XIRP2: variants seen among roughly 807,000 people sequenced by gnomAD.
XIRP2 encodes the protein xin actin binding repeat containing 2.
XIRP2 carries 236 observed loss-of-function variants against 277.0 expected under a neutral mutation model. That is an observed-to-expected ratio of 0.85 (90% confidence interval 0.77 to 0.95). XIRP2 has a LOEUF of 0.95. XIRP2 is among the 40% of genes least tolerant of loss of function. XIRP2 has a pLI of 0.00. For synonymous variants in XIRP2, 1,490 were observed against 1,416.5 expected (o/e 1.05, Z -1.17); for missense variants, 4,640 against 4,157.5 (o/e 1.12, Z -3.19).
intron 2 of XIRP2, among the ~76,000 whole-genome samples, chr2:167,097,904 T>A (rs759564412): frequency 3.3e-5 from 5 of 152,222 alleles, no homozygotes; most frequent in Non-Finnish European, 5.9e-5. Flanking sequence ...GTAGCATTTC[T>A]GCAGAGAGAT....
intron 2 of XIRP2, among the ~76,000 whole-genome samples, chr2:167,130,405 CA>C: frequency 6.6e-6 from 1 of 152,190 alleles, no homozygotes; most frequent in Admixed American, 6.5e-5. Flanking sequence ...CCTGGGACAC[CA>C]TCATGGCCTC....
rs532703043 is a variant in XIRP2 at position 166,893,007 on chromosome 2, C to A, written c.-19+4450C>A. ...ACACACACACACACACACACACACA[C>A]AACACCACCAGAGGGAAAAGAGAGG... On this transcript the variant is annotated intron_variant, in intron 1 of 10. Transcript: ENST00000409195. 3.9e-3 allele frequency among the ~76,000 whole-genome samples: 592 copies of A among 149,916 alleles called. 2 individuals are homozygous for A. Among genetic ancestry groups the A allele is most frequent in the African/African-American group, 0.013 (551 of 40,874 alleles).
Position 167,246,793 on chromosome 2 carries a change from C to T in XIRP2, c.5401C>T (p.Arg1801Cys), listed in dbSNP as rs777114065. ...LLKKRQSLVE[R>C]TVSETDIIPG... ...GAAGAAAAGGCAGTCTCTGGTTGAACGTACTGTTAGTGAAACTGACATCAT... is the reference window on the plus strand; with the variant it reads ...GAAGAAAAGGCAGTCTCTGGTTGAATGTACTGTTAGTGAAACTGACATCAT... The change falls in exon 9 of 11, where the codon CGT (arginine) becomes TGT (cysteine). Residue 1801 changes from arginine to cysteine, a missense_variant. By Grantham distance (180) the Arg-to-Cys change is radical. Transcript: ENST00000409195. 20 of 1,613,714 alleles carry T rather than the reference C, an allele frequency of 1.2e-5. No homozygotes were observed. The highest frequency in any genetic ancestry group is 1.6e-4 in the Middle Eastern group (1 of 6,082).
At chr2:167,042,194 A>G (rs1464862881) in intron 2 of XIRP2, among the ~76,000 whole-genome samples, 1 of 152,218 alleles carries the variant, frequency 6.6e-6, no homozygotes, top group African/African-American at 2.4e-5. Context: ...AGGGTGCGCT[A>G]AACATGGAAA....
chr2:167,091,486 A>G lies in XIRP2; in HGVS notation c.409-44423A>G, dbSNP rs117889941. ...ATTTAAACCATCATATTAAATACTT[A>G]ATTATAGGGACTGCCTTTTTCTCCC... On this transcript the variant is annotated intron_variant, in intron 2 of 10. Transcript: ENST00000409195. 7.4e-4 allele frequency among the ~76,000 whole-genome samples: 112 copies of G among 152,248 alleles called. 1 individual carries two copies. In the East Asian group the frequency reaches 0.021, roughly 28 times the overall value.
intron 1 of XIRP2, among the ~76,000 whole-genome samples, chr2:166,901,082 G>A (rs2105334272): frequency 6.6e-6 from 1 of 152,220 alleles, no homozygotes; most frequent in Non-Finnish European, 1.5e-5. Flanking sequence ...GGTTTTTCAT[G>A]TTGTTTGCCT....
intron 3 of XIRP2, among the ~76,000 whole-genome samples, chr2:167,186,464 G>A (rs1693157973): frequency 6.6e-6 from 1 of 152,144 alleles, no homozygotes; most frequent in Non-Finnish European, 1.5e-5. Context: ...TTCTTTATTT[G>A]AGTTTGTCGT....
At chr2:166,945,610 A>C (rs1173791989) in intron 2 of XIRP2, among the ~76,000 whole-genome samples, 2 of 151,770 alleles carry the variant, frequency 1.3e-5, no homozygotes, top group African/African-American at 4.8e-5. Context: ...CAAAAGTATA[A>C]GACTCTAGAG....
In XIRP2 at chr2:166,941,200, T is replaced by C. The variant is rs959140947; in HGVS notation, c.408+37310T>C. Among the ~76,000 whole-genome samples, 3 of 152,142 alleles carry C rather than the reference T, an allele frequency of 2.0e-5. 1 individual carries two copies. The highest frequency in any genetic ancestry group is 4.4e-5 in the Non-Finnish European group (3 of 68,022). ...CTTGCAGTTCAATCTCAGATTGCTG[T>C]GCGAGCAATGAGTGAGGCTTCATGA... On this transcript the variant is annotated intron_variant, in intron 2 of 10. Coordinates refer to ENST00000409195, the MANE Select transcript of XIRP2 (RefSeq NM_152381.6).
intron 3 of XIRP2, among the ~76,000 whole-genome samples, chr2:167,188,539 G>C (rs1410237828): frequency 6.6e-6 from 1 of 152,176 alleles, no homozygotes; most frequent in East Asian, 1.9e-4. Flanking sequence ...GCGACATTCA[G>C]AGCCATGAAT....
chr2:167,206,519 G>A (rs934198774), intron 3 of XIRP2, among the ~76,000 whole-genome samples: 3 of 151,748 alleles, frequency 2.0e-5, no homozygotes, highest in East Asian at 1.9e-4. Context: ...ATTTAATATC[G>A]GCCAAGTCTC....
rs148603903 is a variant in XIRP2, at chr2:166,936,836, T to G, written c.408+32946T>G. ...TGTAGCCTTGTAGTATGGTTTGAAGTCAGGTAGCATGATGCCTCCAGCCTT... is the reference window on the plus strand; with the variant it reads ...TGTAGCCTTGTAGTATGGTTTGAAGGCAGGTAGCATGATGCCTCCAGCCTT... On this transcript the variant is annotated intron_variant, in intron 2 of 10. Transcript: ENST00000409195. 3.5e-3 allele frequency among the ~76,000 whole-genome samples: 530 copies of G among 152,292 alleles called. 3 individuals are homozygous for G. The highest frequency in any genetic ancestry group is 0.012 in the African/African-American group (507 of 41,568).
rs1243425795 is a variant in XIRP2, at chr2:167,241,877, CAA to C, written c.1145_1146del (p.Lys382ArgfsTer10). 6.2e-7 allele frequency: 1 copy of C among 1,613,168 alleles called. No individual in the cohort carries two copies. The highest frequency in any genetic ancestry group is 8.5e-7 in the Non-Finnish European group (1 of 1,179,570). ...CCCAGGAAAAGATCCTTTATTCTGA[CAA>C]AGAGATGACAACCCCAGCCAAGCAG... ...SAQEKILYSD[K>X]EMTTPAKQIK... On this transcript the variant is annotated frameshift_variant, in exon 8 of 11. Coordinates refer to ENST00000409195, the MANE Select transcript of XIRP2 (RefSeq NM_152381.6). LOFTEE classifies it high-confidence loss of function.
intron 2 of XIRP2, among the ~76,000 whole-genome samples, chr2:167,087,778 C>T (rs970655459): frequency 6.6e-6 from 1 of 152,206 alleles, no homozygotes; most frequent in East Asian, 1.9e-4. Flanking sequence ...CCAAGTGAGG[C>T]AATGCCTCGC....
At chr2:166,888,754 A>G (rs1164150504) in intron 1 of XIRP2, among the ~76,000 whole-genome samples, 197 bp downstream of exon 1, 1 of 152,230 alleles carries the variant, frequency 6.6e-6, no homozygotes, top group African/African-American at 2.4e-5. Context: ...CTGCTGCTAG[A>G]ATCTCTAGTT....
Position 166,981,694 on chromosome 2 carries a change from C to G in XIRP2, c.408+77804C>G, listed in dbSNP as rs1040050993. On this transcript the variant is annotated intron_variant, in intron 2 of 10. Transcript: ENST00000409195. ...GGGCTTACAGGCATGAGCCACCGCA[C>G]CCAGTTCCTTCTCCTCTTCTTATAA... Among the ~76,000 whole-genome samples the G allele has an allele frequency of 2.0e-5, 3 of 152,168 alleles. No homozygotes were observed. In the South Asian group the frequency reaches 6.2e-4, roughly 32 times the overall value.
intron 3 of XIRP2, among the ~76,000 whole-genome samples, chr2:167,159,897 T>C (rs1056062137): frequency 2.0e-5 from 3 of 152,186 alleles, no homozygotes; most frequent in African/African-American, 7.2e-5. Context: ...CTATGTGCAT[T>C]CAGGGAAGAA....
intron 2 of XIRP2, among the ~76,000 whole-genome samples, chr2:166,975,870 G>T (rs1202826353): frequency 2.3e-5 from 3 of 131,580 alleles, no homozygotes; most frequent in Non-Finnish European, 4.6e-5. Flanking sequence ...GGCGGAGCTT[G>T]CAGTGAGCCG....
At chr2:166,924,491 A>AT (rs996090143) in intron 2 of XIRP2, among the ~76,000 whole-genome samples, 1 of 151,292 alleles carries the variant, frequency 6.6e-6, no homozygotes, top group Non-Finnish European at 1.5e-5. Context: ...TTTTTTTTGA[A>AT]TTTTTTTCTT....
Sources: gnomAD v4.1 joint callset for allele counts (sites outside exome capture counted in the v4.1 genomes callset) on GRCh38, gnomAD v4.1.1 for gene constraint, MANE v1.5 for transcripts, NCBI Gene and HGNC (gene_info 2026-07-23, HGNC 2026-07-21) for gene names.